PRR12: variants seen among roughly 807,000 people sequenced by gnomAD.
PRR12 encodes proline-rich protein 12.
PRR12 carries 12 observed loss-of-function variants against 138.0 expected under a neutral mutation model. The ratio of observed to expected loss-of-function variants is 0.09; its 90% CI spans 0.06 to 0.14. The LOEUF (loss-of-function observed/expected upper bound fraction) is 0.14, where lower values mean the gene tolerates loss of function less well. Among genes scored for constraint, PRR12 ranks in the 10% least tolerant of loss-of-function variants. PRR12 has a pLI of 1.00. For synonymous variants in PRR12, 1,567 were observed against 1,291.7 expected (o/e 1.21, Z -4.57); for missense variants, 2,692 against 2,861.3 (o/e 0.94, Z 1.35).
In PRR12 at chr19:49,601,628, TCACCACCGCCAC is replaced by T; in HGVS notation, c.4485_4496del (p.Pro1497_Pro1500del). On this transcript the variant is annotated inframe_deletion, in exon 6 of 14. Coordinates refer to ENST00000418929, the MANE Select transcript of PRR12 (RefSeq NM_020719.3). ...CCCGCTGGTGGCCCCCACGCCCAGC[TCACCACCGCCAC>T]CGCCGCTGCCGCCGCCACCTCCACC... The T allele has an allele frequency of 6.5e-7, 1 of 1,532,534 alleles. No homozygotes were observed. Among genetic ancestry groups the T allele is most frequent in the Non-Finnish European group, 8.8e-7 (1 of 1,142,744 alleles). The allele number at this position is 1,532,534 out of a possible 1,614,324, so 94.9% of individuals were successfully genotyped here.
rs1274653105 is a variant in PRR12, at chr19:49,599,141, GGGTCTGCA to G, written c.3679-127_3679-120del. 1.2e-6 allele frequency: 1 copy of G among 849,084 alleles called. No homozygotes were observed. The highest frequency in any genetic ancestry group is 1.7e-6 in the Non-Finnish European group (1 of 572,388). The allele number at this position is 849,084 out of a possible 1,614,324, so 52.6% of individuals were successfully genotyped here. ...TTGTCCTCCTAGAATCTAAGACAAG[GGGTCTGCA>G]GGTTTGAATTCTATAAATTCACAGG... On this transcript the variant is annotated intron_variant, in intron 4 of 13. Coordinates refer to ENST00000418929, the MANE Select transcript of PRR12 (RefSeq NM_020719.3). This position sits in a 1 kb window ranked among gnomAD's most constrained non-coding sequence, Gnocchi z 5.0.
Position 49,616,148 on chromosome 19 carries a change from C to G in PRR12, c.5426C>G (p.Ala1809Gly). 6.4e-7 allele frequency: 1 copy of G among 1,564,042 alleles called. No individual in the cohort carries two copies. Among genetic ancestry groups the G allele is most frequent in the Non-Finnish European group, 8.7e-7 (1 of 1,154,810 alleles). Reference protein sequence around the residue: ...KKWLKEAGGNATAGGGPPGSS... With the variant: ...KKWLKEAGGNGTAGGGPPGSS... ...TGGCTGAAGGAGGCAGGCGGCAACG[C>G]TACAGCAGGCGGGGGCCCACCAGGC... is the stretch of plus-strand genomic sequence containing the variant. Residue 1809 changes from alanine (A) to glycine (G), a missense_variant, in exon 9 of 14, where the codon GCT (alanine) becomes GGT (glycine). Ala to Gly is a moderately conservative substitution (Grantham distance 60). This residue lies in a region of PRR12 where 259 missense variants were observed against 265.1 expected (regional missense o/e 0.98). Transcript: ENST00000418929. This position sits in a 1 kb window ranked among gnomAD's most constrained non-coding sequence, Gnocchi z 4.2.
At position 49,599,298 on chromosome 19, in the gene PRR12, C is replaced by T. The variant is rs760013010; in HGVS notation, c.3705C>T (p.Gly1235=). 52 of 1,607,664 alleles carry T rather than the reference C, an allele frequency of 3.2e-5. No individual in the cohort carries two copies. The highest frequency in any genetic ancestry group is 1.7e-4 in the Middle Eastern group (1 of 6,044). Residue 1235 remains glycine (G), a synonymous_variant, in exon 5 of 14, where the codon GGC becomes GGT. Coordinates refer to ENST00000418929, the MANE Select transcript of PRR12 (RefSeq NM_020719.3). The surrounding 1 kb of genome is among the most constrained non-coding windows in gnomAD (Gnocchi z 5.0). The stretch of plus-strand genomic sequence containing the variant: ...TCAAGCTGTCTGTGCCCAAGGCTGG[C>T]GAGGGTCTGGGAACCTCATCGGGTG... ...LKIKLSVPKA[G]EGLGTSSGDA...
chr19:49,615,054 A>G, intron 8 of PRR12, 45 bp downstream of exon 8: 1 of 1,610,480 alleles, frequency 6.2e-7, no homozygotes, highest in Non-Finnish European at 8.5e-7. Flanking sequence ...TGTAGCGCCG[A>G]CAGGCATGGG....
At chr19:49,617,112 CAG>C (rs1161182262) in intron 9 of PRR12, among the ~76,000 whole-genome samples, 1 of 140,758 alleles carries the variant, frequency 7.1e-6, no homozygotes, top group Non-Finnish European at 1.5e-5. Flanking sequence ...GCCTAGATGA[CAG>C]AACAAGACTC....
rs887288042 is a variant in PRR12, at chr19:49,600,020, G to T, written c.4345+82G>T. The T allele has an allele frequency of 5.3e-5, 72 of 1,355,608 alleles. No individual in the cohort carries two copies. In the African/African-American group the frequency reaches 8.8e-4, roughly 17 times the overall value. 84.0% of individuals were successfully genotyped at this position (1,355,608 alleles called of 1,614,324 possible). On this transcript the variant is annotated intron_variant, in intron 5 of 13. Coordinates refer to ENST00000418929, the MANE Select transcript of PRR12 (RefSeq NM_020719.3). The stretch of plus-strand genomic sequence containing the variant: ...GTAACAGTTGTGCAGGTTACGCACT[G>T]TTTAAGAGACACCATTCACATACAT...
In PRR12 at chr19:49,625,626, G is replaced by T. The variant is rs767392273; in HGVS notation, c.*19G>T. 2 of 1,583,064 alleles carry T rather than the reference G, an allele frequency of 1.3e-6. No individual in the cohort carries two copies. The highest frequency in any genetic ancestry group is 2.3e-5 in the East Asian group (1 of 44,350). On this transcript the variant is annotated 3_prime_UTR_variant, in exon 14 of 14. Transcript: ENST00000418929. This position sits in a 1 kb window ranked among gnomAD's most constrained non-coding sequence, Gnocchi z 5.5. ...CGGGTGACCCCGCCCCAGCTTGTGA[G>T]GGGGGCGCCTCCTCCATGAACCGAG... is the stretch of plus-strand genomic sequence containing the variant.
At position 49,591,285 on chromosome 19, in the gene PRR12, C is replaced by G. The variant is rs2080722974; in HGVS notation, c.-370C>G. On this transcript the variant is annotated 5_prime_UTR_variant, in exon 1 of 14. Coordinates refer to ENST00000418929, the MANE Select transcript of PRR12 (RefSeq NM_020719.3). Reference sequence around the variant, plus strand: ...AGAGAGCGAGCACCCAGCGCCTGCACCCACCCCGGGGCCGCCCGGGACGCC... The same window carrying G: ...AGAGAGCGAGCACCCAGCGCCTGCAGCCACCCCGGGGCCGCCCGGGACGCC... 6.6e-6 allele frequency among the ~76,000 whole-genome samples: 1 copy of G among 150,830 alleles called. No individual in the cohort carries two copies. The highest frequency in any genetic ancestry group is 6.6e-5 in the Admixed American group (1 of 15,198).
Position 49,596,610 on chromosome 19 carries a change from T to G in PRR12, c.2275T>G (p.Phe759Val). The G allele has an allele frequency of 6.3e-7, 1 of 1,593,612 alleles. No homozygotes were observed. Among genetic ancestry groups the G allele is most frequent in the Non-Finnish European group, 8.5e-7 (1 of 1,170,726 alleles). The change falls in exon 4 of 14, where the codon TTC (phenylalanine) becomes GTC (valine). Residue 759 changes from phenylalanine (F) to valine (V), a missense_variant. Around this residue, in one of 11 missense-constraint regions of PRR12, gnomAD observed 840 missense variants for 689.8 expected, o/e 1.22. Coordinates refer to ENST00000418929, the MANE Select transcript of PRR12 (RefSeq NM_020719.3). This position sits in a 1 kb window ranked among gnomAD's most constrained non-coding sequence, Gnocchi z 5.6. ...GGCAGGCGCCAAGGAGCTGGGGGCC[T>G]TCTTGCAAAAGAGCCCTCCGCCCCC... The part of the protein sequence containing the change: ...YGAGAKELGA[F>V]LQKSPPPPPP...
intron 5 of PRR12, among the ~76,000 whole-genome samples, chr19:49,600,590 C>CTGCA (rs2080804806): frequency 6.6e-6 from 1 of 151,846 alleles, no homozygotes; most frequent in Non-Finnish European, 1.5e-5. Flanking sequence ...GAGGTTGAGG[C>CTGCA]TGCAGTGAGC....
In PRR12 at chr19:49,616,176, C is replaced by A; in HGVS notation, c.5454C>A (p.Ser1818Arg). 6.4e-7 allele frequency: 1 copy of A among 1,554,282 alleles called. No individual in the cohort carries two copies. The highest frequency in any genetic ancestry group is 1.4e-5 in the African/African-American group (1 of 73,530). ...NATAGGGPPGSSSDSESSPGA... is the reference protein window; with the variant it reads ...NATAGGGPPGRSSDSESSPGA... ...CAGCAGGCGGGGGCCCACCAGGCAG[C>A]TCCTCGGACTCGGAGTCCTCCCCTG... Residue 1818 changes from serine to arginine, a missense_variant, in exon 9 of 14, where the codon AGC (serine) becomes AGA (arginine). Around this residue, in one of 11 missense-constraint regions of PRR12, gnomAD observed 259 missense variants for 265.1 expected, o/e 0.98. Transcript: ENST00000418929. The surrounding 1 kb of genome is among the most constrained non-coding windows in gnomAD (Gnocchi z 4.2).
chr19:49,601,620 C>T lies in PRR12; in HGVS notation c.4475C>T (p.Thr1492Met), dbSNP rs376787265. 5.7e-4 allele frequency: 886 copies of T among 1,542,044 alleles called. 4 individuals are homozygous for T. In the African/African-American group the frequency reaches 0.011, roughly 18 times the overall value. Residue 1492 changes from threonine to methionine, a missense_variant, in exon 6 of 14, where the codon ACG becomes ATG. Thr to Met is a moderately conservative substitution (Grantham distance 81). Coordinates refer to ENST00000418929, the MANE Select transcript of PRR12 (RefSeq NM_020719.3). ...TCGCCACCCCCGCTGGTGGCCCCCA[C>T]GCCCAGCTCACCACCGCCACCGCCG... is the stretch of plus-strand genomic sequence containing the variant. ...LPSPPPLVAP[T>M]PSSPPPPPLP...
In PRR12 at chr19:49,595,232, G is replaced by GCCC; in HGVS notation, c.900_902dup (p.Pro306dup). On this transcript the variant is annotated inframe_insertion, in exon 4 of 14. Transcript: ENST00000418929. ...ACTACCAGCGGCCAGCCAGTGCCCA[G>GCCC]CCCCCACCACCCCCGCCACCAGCCC... is the stretch of plus-strand genomic sequence containing the variant. 6.5e-7 allele frequency: 1 copy of GCCC among 1,531,908 alleles called. No individual in the cohort carries two copies. The highest frequency in any genetic ancestry group is 8.8e-7 in the Non-Finnish European group (1 of 1,132,810). 94.9% of individuals were successfully genotyped at this position (1,531,908 alleles called of 1,614,324 possible).
In PRR12 at chr19:49,597,778, G is replaced by A; in HGVS notation, c.3443G>A (p.Gly1148Glu). 6.3e-7 allele frequency: 1 copy of A among 1,596,966 alleles called. No homozygotes were observed. Among genetic ancestry groups the A allele is most frequent in the Middle Eastern group, 1.7e-4 (1 of 6,004 alleles). The change falls in exon 4 of 14, where the codon GGA (glycine) becomes GAA (glutamate). Residue 1148 changes from glycine to glutamate, a missense_variant. This residue lies in a region of PRR12 where 326 missense variants were observed against 344.2 expected (regional missense o/e 0.95). Transcript: ENST00000418929. The surrounding 1 kb of genome is among the most constrained non-coding windows in gnomAD (Gnocchi z 6.3). The stretch of plus-strand genomic sequence containing the variant: ...ATCGACTTCTGCCCACCCAACCCAG[G>A]ACCCGATGGCCCCCGGCGCCGTGGC... ...GDIDFCPPNP[G>E]PDGPRRRGRK... is the part of the protein sequence containing the mutation.
chr19:49,593,213 AC>A, intron 1 of PRR12, 113 bp from the exon 2 acceptor site: 18 of 450,720 alleles, frequency 4.0e-5, no homozygotes, highest in Middle Eastern at 3.8e-4. Flanking sequence ...TTAGCTTAAC[AC>A]CCCCCACCCC....
rs2080796112 is a variant in PRR12, at chr19:49,599,352, C to T, written c.3759C>T (p.Ser1253=). 9.9e-6 allele frequency: 16 copies of T among 1,613,272 alleles called. No individual in the cohort carries two copies. The highest frequency in any genetic ancestry group is 1.3e-5 in the Non-Finnish European group (15 of 1,179,764). ...GDAISGTDHN[S]LDSSLTREKI... ...CCATATCAGGCACTGACCACAACAGCCTGGACTCGAGCCTGACTCGGGAGA... is the reference window on the plus strand; with the variant it reads ...CCATATCAGGCACTGACCACAACAGTCTGGACTCGAGCCTGACTCGGGAGA... Residue 1253 remains serine, a synonymous_variant, in exon 5 of 14, where the codon AGC becomes AGT. Transcript: ENST00000418929. The surrounding 1 kb of genome is among the most constrained non-coding windows in gnomAD (Gnocchi z 5.0).
At position 49,616,524 on chromosome 19, in the gene PRR12, G is replaced by C. The variant is rs955002344; in HGVS notation, c.5497+305G>C. Among the ~76,000 whole-genome samples the C allele has an allele frequency of 1.3e-5, 2 of 152,136 alleles. No homozygotes were observed. Among genetic ancestry groups the C allele is most frequent in the Non-Finnish European group, 2.9e-5 (2 of 68,016 alleles). ...CAGTCTGTGTTGGGTGCCCAGCAGA[G>C]TTGCAACTGAGCCCAGGGTGCCTCG... On this transcript the variant is annotated intron_variant, in intron 9 of 13. Coordinates refer to ENST00000418929, the MANE Select transcript of PRR12 (RefSeq NM_020719.3). The surrounding 1 kb of genome is among the most constrained non-coding windows in gnomAD (Gnocchi z 4.2).
intron 11 of PRR12, 81 bp from the exon 12 acceptor site, chr19:49,624,763 G>A: frequency 6.5e-7 from 1 of 1,546,946 alleles, no homozygotes; most frequent in Non-Finnish European, 8.7e-7. Context: ...GGAAACTGAG[G>A]CACAGATCTG....
rs762223137 is a variant in PRR12, at chr19:49,625,606, G to A, written c.6110G>A (p.Ter2037=). The part of the protein sequence containing the change: ...AQAQAHSRCG[*] ...GCACAGGCCCACAGCCGCTGCGGGT[G>A]ACCCCGCCCCAGCTTGTGAGGGGGG... The change falls in exon 14 of 14, where the codon TGA becomes TAA. Residue 2037 remains the stop codon, a stop_retained_variant. Transcript: ENST00000418929. The surrounding 1 kb of genome is among the most constrained non-coding windows in gnomAD (Gnocchi z 5.5). 2.5e-6 allele frequency: 4 copies of A among 1,602,076 alleles called. No individual in the cohort carries two copies. The highest frequency in any genetic ancestry group is 3.4e-6 in the Non-Finnish European group (4 of 1,174,104).
Sources: gnomAD v4.1 joint callset for allele counts (sites outside exome capture counted in the v4.1 genomes callset) on GRCh38, gnomAD v4.1.1 for gene constraint, gnomAD v4.1.1 regional missense constraint, Gnocchi (gnomAD v3.1) non-coding constraint, MANE v1.5 for transcripts, NCBI Gene and HGNC (gene_info 2026-07-23, HGNC 2026-07-21) for gene names.